The following CNTN1 variants were observed in gnomAD, a reference collection of about 807,000 sequenced individuals.
CNTN1 encodes contactin-1.
CNTN1 carries 38 observed loss-of-function variants against 126.4 expected under a neutral mutation model. The ratio of observed to expected loss-of-function variants is 0.30; its 90% confidence interval spans 0.23 to 0.39. CNTN1 has a LOEUF of 0.39. Ranked by LOEUF, CNTN1 falls within the 10% of genes least tolerant of loss-of-function variation. The pLI is 1.00. For synonymous variants in CNTN1, 413 were observed against 422.6 expected (o/e 0.98, Z 0.28); for missense variants, 1,009 against 1,248.4 (o/e 0.81, Z 2.89).
At chr12:41,019,139 A>G (rs1948850156) in intron 19 of CNTN1, among the ~76,000 whole-genome samples, 1 of 152,206 alleles carries the variant, frequency 6.6e-6, no homozygotes, top group Non-Finnish European at 1.5e-5. Flanking sequence ...CTGGGCAACA[A>G]GAGCGAAACT....
At chr12:40,783,835 C>G (rs1310434512) in intron 1 of CNTN1, among the ~76,000 whole-genome samples, 2 of 152,064 alleles carry the variant, frequency 1.3e-5, no homozygotes, top group South Asian at 2.1e-4. Context: ...ATGAAAGACA[C>G]TTTTTCTTAA....
chr12:41,060,692 A>T (rs1949921749), intron 23 of CNTN1, among the ~76,000 whole-genome samples: 1 of 152,200 alleles, frequency 6.6e-6, no homozygotes, highest in Non-Finnish European at 1.5e-5. Flanking sequence ...GTTGTTGGTT[A>T]ATTAATCACA....
chr12:41,002,553 TC>T (rs1191554522), intron 17 of CNTN1, among the ~76,000 whole-genome samples: 7 of 140,708 alleles, frequency 5.0e-5, no homozygotes, highest in Admixed American at 2.2e-4. Flanking sequence ...CTATAGGGTT[TC>T]TTTCTTTTTT....
chr12:40,825,315 T>G (rs371153149), intron 1 of CNTN1, among the ~76,000 whole-genome samples: 25 of 152,282 alleles, frequency 1.6e-4, no homozygotes, highest in African/African-American at 5.8e-4. Context: ...TCATGGCATT[T>G]TTTTTTTATG....
chr12:40,959,295 A>G (rs1409368210), intron 15 of CNTN1, 61 bp downstream of exon 15: 8 of 1,575,142 alleles, frequency 5.1e-6, no homozygotes, highest in East Asian at 4.5e-5. Context: ...ATAAACATGT[A>G]TAATCTTCTG....
At chr12:40,776,894 A>AT (rs1262776746) in intron 1 of CNTN1, among the ~76,000 whole-genome samples, 16 of 151,450 alleles carry the variant, frequency 1.1e-4, no homozygotes, top group African/African-American at 3.9e-4. Context: ...CATGTTATAT[A>AT]TTTTCTCTGG....
intron 1 of CNTN1, among the ~76,000 whole-genome samples, chr12:40,869,343 T>TA: frequency 6.6e-6 from 1 of 151,672 alleles, no homozygotes; most frequent in Non-Finnish European, 1.5e-5. Context: ...CACAGCCCAC[T>TA]ACAGCCTTGC....
chr12:41,062,062 C>A (rs144711837), intron 23 of CNTN1, among the ~76,000 whole-genome samples: 1 of 152,274 alleles, frequency 6.6e-6, no homozygotes, highest in East Asian at 1.9e-4. Flanking sequence ...TGCAAAAATT[C>A]TGCTGAACCT....
At chr12:41,064,030 C>T (rs1949997075) in intron 23 of CNTN1, among the ~76,000 whole-genome samples, 1 of 151,942 alleles carries the variant, frequency 6.6e-6, no homozygotes, top group Non-Finnish European at 1.5e-5. Flanking sequence ...AAAAATTAGC[C>T]GGGCATGGTG....
intron 1 of CNTN1, among the ~76,000 whole-genome samples, chr12:40,797,505 A>G (rs756999238): frequency 6.6e-6 from 1 of 152,000 alleles, no homozygotes; most frequent in Admixed American, 6.6e-5. Flanking sequence ...AGTGGGGGAA[A>G]ATAGCCAAAG....
At chr12:40,841,303 A>G (rs149175773) in intron 1 of CNTN1, among the ~76,000 whole-genome samples, 384 of 152,152 alleles carry the variant, frequency 2.5e-3, no homozygotes, top group African/African-American at 8.5e-3. Flanking sequence ...GTCTCTCAAC[A>G]TAGAAAAACC....
At position 40,787,678 on chromosome 12, in the gene CNTN1, G is replaced by T. The variant is rs555866571; in HGVS notation, c.-77+95086G>T. 3.2e-5 allele frequency among the ~76,000 whole-genome samples: 3 copies of T among 93,766 alleles called. No individual in the cohort carries two copies. The South Asian group carries it at 1.4e-3, about 44-fold the overall frequency. The allele number at this position is 93,766 out of a possible 152,430, so 61.5% of individuals were successfully genotyped here. ...GATTTAGTGCCTGAGATTCAATGAA[G>T]AATAAAATAAAATAACTGTGAATTT... On this transcript the variant is annotated intron_variant, in intron 1 of 23. Transcript: ENST00000551295.
intron 1 of CNTN1, among the ~76,000 whole-genome samples, chr12:40,767,729 G>A (rs1003011027): frequency 3.3e-5 from 5 of 152,072 alleles, no homozygotes; most frequent in Admixed American, 3.3e-4. Flanking sequence ...CACCTCCCGG[G>A]TCTACTGACC....
At chr12:41,051,863 C>T (rs12371918) in intron 23 of CNTN1, among the ~76,000 whole-genome samples, 36,095 of 150,810 alleles carry the variant, frequency 0.24, 4,440 homozygotes, top group Middle Eastern at 0.28. Context: ...AACTCTGGAA[C>T]AGTTCATCTC....
At chr12:40,762,771 T>A (rs970125683) in intron 1 of CNTN1, among the ~76,000 whole-genome samples, 2 of 152,166 alleles carry the variant, frequency 1.3e-5, no homozygotes, top group African/African-American at 2.4e-5. Context: ...CCTTTTCTTT[T>A]GTGGCTTACA....
chr12:40,722,472 G>T (rs1247611547), intron 1 of CNTN1, among the ~76,000 whole-genome samples: 1 of 152,112 alleles, frequency 6.6e-6, no homozygotes, highest in Non-Finnish European at 1.5e-5. Context: ...GTGGTTGTAA[G>T]GTCTCTATTA....
At chr12:40,938,352 C>G (rs1946152546) in intron 11 of CNTN1, among the ~76,000 whole-genome samples, 1 of 152,130 alleles carries the variant, frequency 6.6e-6, no homozygotes, top group Non-Finnish European at 1.5e-5. Flanking sequence ...ATCCATTATT[C>G]CCATAGCTGT....
rs1032482987 is a variant in CNTN1, at chr12:40,929,780, C to T, written c.497-16C>T. On this transcript the variant is annotated splice_polypyrimidine_tract_variant and intron_variant, in intron 6 of 23. Coordinates refer to ENST00000551295, the MANE Select transcript of CNTN1 (RefSeq NM_001843.4). ...GGAGAAGCACTTAATATTTAGAAGGCAATATTTTCTCCTAGATGATCTTAG... is the reference window on the plus strand; with the variant it reads ...GGAGAAGCACTTAATATTTAGAAGGTAATATTTTCTCCTAGATGATCTTAG... The T allele has an allele frequency of 1.3e-5, 21 of 1,585,976 alleles. No individual in the cohort carries two copies. In the African/African-American group the frequency reaches 2.0e-4, roughly 15 times the overall value.
chr12:41,019,151 C>T (rs1948850916), intron 19 of CNTN1, among the ~76,000 whole-genome samples: 1 of 152,020 alleles, frequency 6.6e-6, no homozygotes, highest in South Asian at 2.1e-4. Flanking sequence ...AGCGAAACTC[C>T]ATCTCAAAAA....
Sources: gnomAD v4.1 joint callset for allele counts (sites outside exome capture counted in the v4.1 genomes callset) on GRCh38, gnomAD v4.1.1 for gene constraint, MANE v1.5 for transcripts, NCBI Gene and HGNC (gene_info 2026-07-23, HGNC 2026-07-21) for gene names.